DYNC2I1: variants seen among roughly 807,000 people sequenced by gnomAD.
The protein encoded by DYNC2I1 is cytoplasmic dynein 2 intermediate chain 1.
A neutral mutation model predicts 133.4 loss-of-function variants in DYNC2I1; 89 were observed. That is an observed-to-expected ratio of 0.67 (90% confidence interval 0.56 to 0.80). The LOEUF is 0.80. DYNC2I1 is among the 30% of genes least tolerant of loss of function. The probability of loss-of-function intolerance (pLI) is 0.00; values close to 1 mark genes in which losing one functional copy is unlikely to be tolerated. For missense variants in DYNC2I1, 1,291 were observed against 1,314.5 expected (o/e 0.98, Z 0.28); for synonymous variants, 504 against 484.3 (o/e 1.04, Z -0.54).
chr7:158,931,830 G>A (rs368376439), intron 21 of DYNC2I1, among the ~76,000 whole-genome samples: 2 of 152,230 alleles, frequency 1.3e-5, no homozygotes, highest in Non-Finnish European at 2.9e-5. Context: ...AAGGTGCTCC[G>A]AGAAGGAGGC....
intron 15 of DYNC2I1, among the ~76,000 whole-genome samples, chr7:158,922,041 G>T (rs1849151839): frequency 6.6e-6 from 1 of 152,220 alleles, no homozygotes; most frequent in Admixed American, 6.5e-5. Flanking sequence ...AAGCAGAGGG[G>T]CAGCCAGGCG....
chr7:158,894,120 C>CTACTGCATATCCTACTGCATATCA (rs1554455775), intron 8 of DYNC2I1, among the ~76,000 whole-genome samples: 2,849 of 75,660 alleles, frequency 0.038, 38 homozygotes, highest in Middle Eastern at 0.075. Context: ...ACTGCATATC[C>CTACTGCATATCCTACTGCATATCA]TACCGCATAT....
intron 5 of DYNC2I1, among the ~76,000 whole-genome samples, chr7:158,883,600 G>C (rs900535739): frequency 6.7e-6 from 1 of 149,116 alleles, no homozygotes; most frequent in African/African-American, 2.5e-5. Flanking sequence ...ATTTGAGATA[G>C]AGTATGAGTA....
intron 10 of DYNC2I1, 53 bp from the exon 11 acceptor site, chr7:158,905,934 TGC>T: frequency 1.5e-6 from 2 of 1,378,266 alleles, no homozygotes; most frequent in Admixed American, 2.0e-5. Flanking sequence ...GATATTTTTT[TGC>T]TTGGAAGACA....
intron 7 of DYNC2I1, among the ~76,000 whole-genome samples, chr7:158,890,149 A>T (rs1845060580): frequency 6.6e-6 from 1 of 152,144 alleles, no homozygotes; most frequent in South Asian, 2.1e-4. Flanking sequence ...CAACTGGCCT[A>T]TAATTTTAAG....
At chr7:158,923,426 G>C (rs1849284634) in intron 16 of DYNC2I1, 145 bp from the exon 17 acceptor site, 2 of 1,037,636 alleles carry the variant, frequency 1.9e-6, no homozygotes, top group Non-Finnish European at 1.4e-6. Context: ...TTCTGTGCAG[G>C]AGTCTACGTT....
chr7:158,946,043 C>T lies in DYNC2I1; in HGVS notation c.*264C>T. On this transcript the variant is annotated 3_prime_UTR_variant, in exon 25 of 25. Transcript: ENST00000407559. ...AGGGTGCTCTTTTCTGAGAGTATTT[C>T]GAGTTATTTTTAGAACAGTTTAAAT... The T allele has an allele frequency of 9.6e-6, 3 of 311,034 alleles. No individual in the cohort carries two copies. The highest frequency in any genetic ancestry group is 5.6e-5 in the East Asian group (1 of 17,968). 19.3% of individuals were successfully genotyped at this position (311,034 alleles called of 1,614,324 possible).
At chr7:158,908,962 T>C (rs564111320) in intron 11 of DYNC2I1, among the ~76,000 whole-genome samples, 4 of 152,292 alleles carry the variant, frequency 2.6e-5, no homozygotes, top group Non-Finnish European at 4.4e-5. Flanking sequence ...TATGAAAATA[T>C]GTCCTGTCAG....
chr7:158,916,974 C>G (rs13223361), intron 14 of DYNC2I1, among the ~76,000 whole-genome samples: 1 of 31,798 alleles, frequency 3.1e-5, no homozygotes, highest in Non-Finnish European at 6.3e-5. Context: ...TGTGAAACGT[C>G]TACACGCTGG....
At chr7:158,934,337 A>C in intron 22 of DYNC2I1, 81 bp from the exon 23 acceptor site, 1 of 1,541,464 alleles carries the variant, frequency 6.5e-7, no homozygotes, top group Non-Finnish European at 8.7e-7. Flanking sequence ...TATAAAGTTT[A>C]AATTGTTTGA....
chr7:158,880,427 C>T (rs183533749), intron 5 of DYNC2I1, among the ~76,000 whole-genome samples: 3 of 151,952 alleles, frequency 2.0e-5, no homozygotes, highest in East Asian at 3.9e-4. Flanking sequence ...GTCCTAGCTA[C>T]CTGGGAGGCT....
At chr7:158,907,252 G>C (rs1246044412) in intron 11 of DYNC2I1, among the ~76,000 whole-genome samples, 1 of 145,854 alleles carries the variant, frequency 6.9e-6, no homozygotes, top group Non-Finnish European at 1.5e-5. Context: ...TAGCAAAACT[G>C]GTTTCTGGCC....
At chr7:158,902,634 A>G in intron 10 of DYNC2I1, 39 bp downstream of exon 10, 2 of 1,592,148 alleles carry the variant, frequency 1.3e-6, no homozygotes, top group Non-Finnish European at 1.7e-6. Flanking sequence ...CCGTGCTCTT[A>G]GGGCTCTGTG....
chr7:158,842,376 T>C, the DYNC2I1 span, among the ~76,000 whole-genome samples: 34 of 152,118 alleles, frequency 2.2e-4, no homozygotes, highest in African/African-American at 8.0e-4. Flanking sequence ...CAACAAAGAG[T>C]AGGCAGCTCT....
rs567277745 is a variant in DYNC2I1, at chr7:158,876,883, A to C, written c.573+192A>C. On this transcript the variant is annotated intron_variant, in intron 4 of 24. Coordinates refer to ENST00000407559, the MANE Select transcript of DYNC2I1 (RefSeq NM_018051.5). ...AGTGCGTTTTTCTGATTCCAAAGGTAGTATGTGATGATATTAGAAAATTTA... is the reference window on the plus strand; with the variant it reads ...AGTGCGTTTTTCTGATTCCAAAGGTCGTATGTGATGATATTAGAAAATTTA... Among the ~76,000 whole-genome samples, 3 of 152,334 alleles carry C rather than the reference A, an allele frequency of 2.0e-5. No individual in the cohort carries two copies. The South Asian group carries it at 6.2e-4, about 32-fold the overall frequency.
intron 9 of DYNC2I1, 149 bp from the exon 10 acceptor site, chr7:158,902,227 T>G (rs776300581): frequency 1.4e-6 from 1 of 692,616 alleles, no homozygotes; most frequent in Non-Finnish European, 2.4e-6. Flanking sequence ...TTCAAAAACA[T>G]TAAAATCAGG....
chr7:158,869,607 A>G (rs1418235264), intron 1 of DYNC2I1: 4 of 519,422 alleles, frequency 7.7e-6, no homozygotes, highest in African/African-American at 5.8e-5. Flanking sequence ...TTTCACTTTT[A>G]TTTTATAATA....
downstream of DYNC2I1, among the ~76,000 whole-genome samples, chr7:158,958,347 C>A (rs1852253164): frequency 6.6e-6 from 1 of 152,238 alleles, no homozygotes; most frequent in Non-Finnish European, 1.5e-5. Flanking sequence ...AGCCACCTAC[C>A]GACCAGAGAT....
At chr7:158,881,181 G>A (rs2129479134) in intron 5 of DYNC2I1, among the ~76,000 whole-genome samples, 1 of 152,356 alleles carries the variant, frequency 6.6e-6, no homozygotes, top group South Asian at 2.1e-4. Context: ...TGTCCTGCAT[G>A]GGGTCAGAGT....
Sources: gnomAD v4.1 joint callset for allele counts (sites outside exome capture counted in the v4.1 genomes callset) on GRCh38, gnomAD v4.1.1 for gene constraint, MANE v1.5 for transcripts, NCBI Gene and HGNC (gene_info 2026-07-23, HGNC 2026-07-21) for gene names.